SLC10A7: variants seen among roughly 807,000 people sequenced by gnomAD.
SLC10A7 encodes the protein sodium/bile acid cotransporter 7.
A neutral mutation model predicts 43.2 loss-of-function variants in SLC10A7; 29 were observed. The ratio of observed to expected loss-of-function variants is 0.67; its 90% CI spans 0.50 to 0.92. The LOEUF (loss-of-function observed/expected upper bound fraction) is 0.92, where lower values mean the gene tolerates loss of function less well. SLC10A7 is among the 40% of genes least tolerant of loss of function. The pLI is 0.00. For synonymous variants in SLC10A7, 152 were observed against 144.8 expected, an observed-to-expected ratio of 1.05 and a Z score of -0.35; for missense variants, 295 against 403.2, an observed-to-expected ratio of 0.73 and a Z score of 2.30.
intron 4 of SLC10A7, among the ~76,000 whole-genome samples, chr4:146,448,524 G>C (rs1731310183): frequency 6.6e-6 from 1 of 151,858 alleles, no homozygotes; most frequent in Non-Finnish European, 1.5e-5. Flanking sequence ...TCATAATGCT[G>C]GTCCAACACC....
intron 5 of SLC10A7, among the ~76,000 whole-genome samples, chr4:146,376,607 C>G (rs1346011604): frequency 3.3e-5 from 5 of 152,136 alleles, no homozygotes; most frequent in African/African-American, 1.2e-4. Flanking sequence ...CCCTTCCATC[C>G]CCTTTCCAGC....
At chr4:146,307,926 T>C (rs751293252) in intron 6 of SLC10A7, among the ~76,000 whole-genome samples, 2 of 152,132 alleles carry the variant, frequency 1.3e-5, no homozygotes, top group Non-Finnish European at 2.9e-5. Context: ...TTTTAAAAAG[T>C]ATTATATATT....
chr4:146,462,974 A>T (rs1732675688), intron 4 of SLC10A7, among the ~76,000 whole-genome samples: 1 of 152,188 alleles, frequency 6.6e-6, no homozygotes. Context: ...ATTAAAAAGA[A>T]AAAAAGCTTA....
intron 5 of SLC10A7, among the ~76,000 whole-genome samples, chr4:146,430,294 A>G (rs1473006037): frequency 6.6e-6 from 1 of 152,150 alleles, no homozygotes; most frequent in Non-Finnish European, 1.5e-5. Flanking sequence ...GAGCCACTAT[A>G]GACATTAGGG....
chr4:146,263,131 G>T (rs1377012661), intron 10 of SLC10A7, among the ~76,000 whole-genome samples: 1 of 152,162 alleles, frequency 6.6e-6, no homozygotes, highest in African/African-American at 2.4e-5. Flanking sequence ...ACCCATTCAT[G>T]ACCCACCCAA....
chr4:146,330,446 G>T (rs1178892017), intron 5 of SLC10A7, among the ~76,000 whole-genome samples: 2 of 152,098 alleles, frequency 1.3e-5, no homozygotes, highest in African/African-American at 4.8e-5. Context: ...ACAGAATAAA[G>T]AATATCAGTT....
chr4:146,372,204 A>T (rs575366464), intron 5 of SLC10A7, among the ~76,000 whole-genome samples: 1 of 152,196 alleles, frequency 6.6e-6, no homozygotes, highest in African/African-American at 2.4e-5. Context: ...CCATAATTCT[A>T]GCACTCTGGG....
chr4:146,346,852 A>C (rs1201229678), intron 5 of SLC10A7, among the ~76,000 whole-genome samples: 1 of 152,118 alleles, frequency 6.6e-6, no homozygotes, highest in East Asian at 1.9e-4. Context: ...TATTATTAGG[A>C]TCTTTGTGAT....
chr4:146,343,010 CTG>C (rs1419202046), intron 5 of SLC10A7, among the ~76,000 whole-genome samples: 2 of 151,864 alleles, frequency 1.3e-5, no homozygotes, highest in Non-Finnish European at 2.9e-5. Context: ...ACCCTAACTC[CTG>C]TGTTAAGCTA....
chr4:146,361,569 G>A (rs1736050828), intron 5 of SLC10A7, among the ~76,000 whole-genome samples: 1 of 152,144 alleles, frequency 6.6e-6, no homozygotes, highest in African/African-American at 2.4e-5. Flanking sequence ...ACAGACACAG[G>A]TTGCAAAACT....
At chr4:146,337,645 T>A (rs1733982693) in intron 5 of SLC10A7, among the ~76,000 whole-genome samples, 1 of 151,982 alleles carries the variant, frequency 6.6e-6, no homozygotes, top group Non-Finnish European at 1.5e-5. Flanking sequence ...ACAAACATTA[T>A]CTAATTTAAA....
At chr4:146,511,406 G>T (rs912536566) in intron 2 of SLC10A7, among the ~76,000 whole-genome samples, 3 of 152,200 alleles carry the variant, frequency 2.0e-5, no homozygotes, top group Admixed American at 1.3e-4. Flanking sequence ...ATGCCAGAGA[G>T]TTACTGGTTG....
chr4:146,262,553 A>G (rs1348506867), intron 10 of SLC10A7, among the ~76,000 whole-genome samples: 1 of 152,188 alleles, frequency 6.6e-6, no homozygotes, highest in Admixed American at 6.5e-5. Flanking sequence ...TATGTAACGC[A>G]CCACTCTTTT....
At chr4:146,272,065 G>C (rs1383508378) in intron 10 of SLC10A7, among the ~76,000 whole-genome samples, 1 of 152,160 alleles carries the variant, frequency 6.6e-6, no homozygotes, top group Admixed American at 6.5e-5. Flanking sequence ...ATGAGGGCAA[G>C]AACTTTTTTG....
At chr4:146,257,069 C>A in intron 11 of SLC10A7, 1 of 631,694 alleles carries the variant, frequency 1.6e-6, no homozygotes, top group Non-Finnish European at 2.7e-6. Context: ...ATTTGCTGTT[C>A]ACTATGGCTG....
intron 5 of SLC10A7, among the ~76,000 whole-genome samples, chr4:146,327,851 CT>C (rs1578894096): frequency 2.0e-5 from 3 of 152,316 alleles, no homozygotes; most frequent in Admixed American, 6.5e-5. Context: ...ATTGGGGGGC[CT>C]GAGAATAGGC....
At chr4:146,326,978 AG>A in intron 5 of SLC10A7, among the ~76,000 whole-genome samples, 1 of 130,198 alleles carries the variant, frequency 7.7e-6, no homozygotes, top group Admixed American at 7.8e-5. Flanking sequence ...AGAAAAAGAG[AG>A]AGAGAGAGAG....
At chr4:146,501,971 C>A (rs1212770254) in intron 4 of SLC10A7, among the ~76,000 whole-genome samples, 1 of 152,134 alleles carries the variant, frequency 6.6e-6, no homozygotes, top group African/African-American at 2.4e-5. Context: ...AGACAAGTCA[C>A]AGACTAGGAA....
intron 5 of SLC10A7, among the ~76,000 whole-genome samples, chr4:146,413,820 A>G (rs1234015160): frequency 6.6e-6 from 1 of 152,170 alleles, no homozygotes; most frequent in African/African-American, 2.4e-5. Context: ...AAGAGTCTTG[A>G]AAAAGATTCT....
Sources: allele counts gnomAD v4.1 joint callset (sites outside exome capture counted in the v4.1 genomes callset), GRCh38; gene constraint gnomAD v4.1.1; transcripts MANE v1.5; gene names NCBI Gene and HGNC (gene_info 2026-07-23, HGNC 2026-07-21).